Variants in AGMO observed in about 807,000 individuals in gnomAD.
AGMO encodes the protein alkylglycerol monooxygenase, also known as glyceryl-ether monooxygenase.
Under a neutral mutation model 60.2 loss-of-function variants are expected in AGMO, and 75 were observed. The ratio of observed to expected loss-of-function variants is 1.25; its 90% CI spans 1.03 to 1.51. The LOEUF (loss-of-function observed/expected upper bound fraction) is 1.51. Ranked by LOEUF, AGMO falls within the 40% of genes most tolerant of loss-of-function variation. The pLI, the probability that AGMO is intolerant of heterozygous loss-of-function variation, is 0.00. For synonymous variants in AGMO, 261 were observed against 177.1 expected, an observed-to-expected ratio of 1.47 and a Z score of -3.76; for missense variants, 763 against 525.5, an observed-to-expected ratio of 1.45 and a Z score of -4.42.
At chr7:15,146,343 G>A in the AGMO span, among the ~76,000 whole-genome samples, 1 of 152,152 alleles carries the variant, frequency 6.6e-6, no homozygotes, top group Non-Finnish European at 1.5e-5. Flanking sequence ...TGGGCTTAAT[G>A]TATGGCTCAA....
chr7:15,169,076 G>A, the AGMO span, among the ~76,000 whole-genome samples: 3 of 152,240 alleles, frequency 2.0e-5, no homozygotes, highest in South Asian at 6.2e-4. Flanking sequence ...ATTGGTTGAT[G>A]GGGTGGAGAG....
chr7:15,405,310 T>C (rs537661642), intron 5 of AGMO, among the ~76,000 whole-genome samples: 11 of 151,994 alleles, frequency 7.2e-5, no homozygotes, highest in Middle Eastern at 3.4e-3. Flanking sequence ...CTAAGTTTTA[T>C]ACACTGGGAA....
At chr7:15,193,592 G>A in the AGMO span, among the ~76,000 whole-genome samples, 1 of 152,000 alleles carries the variant, frequency 6.6e-6, no homozygotes, top group African/African-American at 2.4e-5. Context: ...AGTTTAATAG[G>A]GATCAATTTC....
chr7:15,242,181 G>A (rs1359604684), intron 12 of AGMO, among the ~76,000 whole-genome samples: 1 of 151,852 alleles, frequency 6.6e-6, no homozygotes, highest in Non-Finnish European at 1.5e-5. Flanking sequence ...ACATAATCAG[G>A]GCATGATATA....
intron 2 of AGMO, among the ~76,000 whole-genome samples, chr7:15,558,473 A>G (rs1583690437): frequency 6.6e-6 from 1 of 152,058 alleles, no homozygotes; most frequent in South Asian, 2.1e-4. Context: ...CTAAATCTAC[A>G]TCTAAATCTA....
chr7:15,178,299 T>G, the AGMO span, among the ~76,000 whole-genome samples: 1 of 152,212 alleles, frequency 6.6e-6, no homozygotes, highest in South Asian at 2.1e-4. Flanking sequence ...ATTGATAGAT[T>G]GGCTGATACA....
intron 5 of AGMO, among the ~76,000 whole-genome samples, chr7:15,417,359 C>T (rs1780800820): frequency 6.6e-6 from 1 of 152,096 alleles, no homozygotes; most frequent in Non-Finnish European, 1.5e-5. Context: ...GCCCTCTCAT[C>T]GGGACACAGG....
intron 12 of AGMO, among the ~76,000 whole-genome samples, chr7:15,298,487 T>C (rs1006679039): frequency 2.0e-5 from 3 of 152,142 alleles, no homozygotes; most frequent in Non-Finnish European, 2.9e-5. Context: ...CTTGACCTCC[T>C]GGGCTCAGGT....
intron 12 of AGMO, among the ~76,000 whole-genome samples, chr7:15,264,669 T>C (rs986307961): frequency 6.6e-6 from 1 of 151,830 alleles, no homozygotes; most frequent in African/African-American, 2.4e-5. Context: ...ATTCAACAAG[T>C]ATATGAAAAA....
chr7:15,167,284 C>T, the AGMO span, among the ~76,000 whole-genome samples: 1 of 152,100 alleles, frequency 6.6e-6, no homozygotes, highest in South Asian at 2.1e-4. Flanking sequence ...TGAAGGTAAA[C>T]AACTCACATA....
At chr7:15,176,200 T>C in the AGMO span, among the ~76,000 whole-genome samples, 1 of 152,034 alleles carries the variant, frequency 6.6e-6, no homozygotes, top group African/African-American at 2.4e-5. Flanking sequence ...TATTTACATT[T>C]CCTTTTATGT....
rs574600814 is a variant in AGMO, at chr7:15,363,136, T to C, written c.1263+2378A>G. Among the ~76,000 whole-genome samples the C allele has an allele frequency of 5.9e-5, 9 of 152,302 alleles. No individual in the cohort carries two copies. The South Asian group carries it at 1.9e-3, about 32-fold the overall frequency. On this transcript the variant is annotated intron_variant, in intron 12 of 12. Transcript: ENST00000342526. Reference sequence around the variant, plus strand: ...CATGTTAGCTCTTATAAAACCTATTTTACAGTTGAACAACCTGAGGCACAG... The same window carrying C: ...CATGTTAGCTCTTATAAAACCTATTCTACAGTTGAACAACCTGAGGCACAG...
chr7:15,138,162 T>C, the AGMO span, among the ~76,000 whole-genome samples: 1 of 152,238 alleles, frequency 6.6e-6, no homozygotes, highest in Non-Finnish European at 1.5e-5. Context: ...CTCTTTTTAG[T>C]ACATCTATTA....
At chr7:15,317,625 T>A (rs1007663644) in intron 12 of AGMO, among the ~76,000 whole-genome samples, 2 of 152,050 alleles carry the variant, frequency 1.3e-5, no homozygotes, top group African/African-American at 4.8e-5. Context: ...CATGAACGCA[T>A]TATTATTATA....
At chr7:15,407,205 A>G (rs1218804026) in intron 5 of AGMO, among the ~76,000 whole-genome samples, 5 of 139,676 alleles carry the variant, frequency 3.6e-5, no homozygotes, top group Non-Finnish European at 7.9e-5. Flanking sequence ...AGGTCAGAAG[A>G]CTTGAAAGGC....
At chr7:15,260,183 C>T (rs1031825999) in intron 12 of AGMO, among the ~76,000 whole-genome samples, 3 of 148,338 alleles carry the variant, frequency 2.0e-5, no homozygotes, top group African/African-American at 7.5e-5. Flanking sequence ...GATCACACAA[C>T]TGCACTCCAG....
the AGMO span, among the ~76,000 whole-genome samples, chr7:15,192,941 TG>T: frequency 6.6e-6 from 1 of 152,296 alleles, no homozygotes; most frequent in East Asian, 1.9e-4. Context: ...ATATTAAAAA[TG>T]ACATAAACAG....
intron 12 of AGMO, among the ~76,000 whole-genome samples, chr7:15,356,751 T>C (rs910435504): frequency 2.6e-5 from 4 of 151,728 alleles, no homozygotes; most frequent in Non-Finnish European, 5.9e-5. Context: ...AAAAATGTGA[T>C]TAAAAATATT....
At chr7:15,292,634 A>C (rs1033836147) in intron 12 of AGMO, among the ~76,000 whole-genome samples, 6 of 152,058 alleles carry the variant, frequency 3.9e-5, no homozygotes, top group Non-Finnish European at 8.8e-5. Context: ...AGAAGGAGAA[A>C]AGCTCCTACG....
Sources: allele counts gnomAD v4.1 joint callset (sites outside exome capture counted in the v4.1 genomes callset), GRCh38; gene constraint gnomAD v4.1.1; transcripts MANE v1.5; gene names NCBI Gene and HGNC (gene_info 2026-07-23, HGNC 2026-07-21).